Variants in CHST9 observed in about 807,000 individuals in gnomAD.
The protein encoded by CHST9 is carbohydrate sulfotransferase 9, also known as GalNAc-4-sulfotransferase 2.
In CHST9, 41 loss-of-function variants were observed where a neutral mutation model predicts 44.4. The ratio of observed to expected loss-of-function variants is 0.92; its 90% confidence interval spans 0.72 to 1.20. The LOEUF (loss-of-function observed/expected upper bound fraction) is 1.20, where lower values mean the gene tolerates loss of function less well. Among genes scored for constraint, CHST9 ranks in the 50% most tolerant of loss-of-function variants. CHST9 has a pLI of 0.00. For synonymous variants in CHST9, 171 were observed against 178.4 expected (o/e 0.96, Z 0.33); for missense variants, 504 against 516.5 (o/e 0.98, Z 0.23).
intron 1 of CHST9, among the ~76,000 whole-genome samples, chr18:27,178,005 C>T (rs1288717702): frequency 6.6e-6 from 1 of 152,106 alleles, no homozygotes; most frequent in East Asian, 1.9e-4. Flanking sequence ...CTCTGAATCC[C>T]CATTGCACCA....
At chr18:27,060,494 G>T (rs2057709014) in intron 2 of CHST9, among the ~76,000 whole-genome samples, 1 of 152,210 alleles carries the variant, frequency 6.6e-6, no homozygotes, top group Non-Finnish European at 1.5e-5. Flanking sequence ...GTGGGTGCGG[G>T]TGAGCTCCAG....
At position 27,024,123 on chromosome 18, in the gene CHST9, G is replaced by C. The variant is rs1568137602; in HGVS notation, c.195C>G (p.Pro65=). 2 of 1,612,140 alleles carry C rather than the reference G, an allele frequency of 1.2e-6. No homozygotes were observed. The highest frequency in any genetic ancestry group is 1.7e-6 in the Non-Finnish European group (2 of 1,179,180). Residue 65 remains proline (P), a synonymous_variant, in exon 4 of 6, where the codon CCC becomes CCG. Coordinates refer to ENST00000618847, the MANE Select transcript of CHST9 (RefSeq NM_031422.6). ...WGPVKYLRPV[P]RIMSTEKIQE... Reference sequence around the variant, plus strand: ...TATGAGGAAGTTACTCACTGATTCTGGGTACAGGCCGCAAGTACTTCACTG... The same window carrying C: ...TATGAGGAAGTTACTCACTGATTCTCGGTACAGGCCGCAAGTACTTCACTG...
At chr18:26,995,936 A>G (rs1289527891) in intron 4 of CHST9, among the ~76,000 whole-genome samples, 1 of 152,226 alleles carries the variant, frequency 6.6e-6, no homozygotes, top group African/African-American at 2.4e-5. Context: ...CTTAAGAGAG[A>G]GCTAAAAGTT....
intron 4 of CHST9, among the ~76,000 whole-genome samples, chr18:27,004,038 T>A (rs2056983802): frequency 6.7e-6 from 1 of 149,724 alleles, no homozygotes; most frequent in Non-Finnish European, 1.5e-5. Context: ...AATATGAGTG[T>A]CTGGAAAAAA....
At chr18:26,996,074 G>C (rs1169082468) in intron 4 of CHST9, among the ~76,000 whole-genome samples, 2 of 152,134 alleles carry the variant, frequency 1.3e-5, no homozygotes, top group African/African-American at 2.4e-5. Flanking sequence ...AATGGGTCTG[G>C]TCCAATATCT....
chr18:26,916,777 T>C lies in CHST9; in HGVS notation c.814A>G (p.Thr272Ala). ...CGAACAAACACAGCTTTGGTGTAAGTATTTAAGCGGGTATATATCCCTTTT... is the reference window on the plus strand; with the variant it reads ...CGAACAAACACAGCTTTGGTGTAAGCATTTAAGCGGGTATATATCCCTTTT... ...DLKGIYTRLN[T>A]YTKAVFVRDP... is the part of the protein sequence containing the mutation. The change falls in exon 6 of 6, where the codon ACT becomes GCT. Residue 272 changes from threonine to alanine, a missense_variant. Physicochemically the swap from Thr to Ala is moderately conservative, Grantham distance 58. Coordinates refer to ENST00000618847, the MANE Select transcript of CHST9 (RefSeq NM_031422.6). 1 of 1,613,824 alleles carries C rather than the reference T, an allele frequency of 6.2e-7. No individual in the cohort carries two copies. The highest frequency in any genetic ancestry group is 1.1e-5 in the South Asian group (1 of 91,066).
chr18:27,053,287 A>G (rs1289106277), intron 2 of CHST9, among the ~76,000 whole-genome samples: 48 of 136,804 alleles, frequency 3.5e-4, no homozygotes, highest in African/African-American at 1.1e-3. Context: ...AAGGAGAAGG[A>G]GAAGGAGAAG....
intron 5 of CHST9, among the ~76,000 whole-genome samples, chr18:26,933,456 A>G (rs1219956337): frequency 1.3e-5 from 2 of 152,182 alleles, no homozygotes; most frequent in Non-Finnish European, 2.9e-5. Context: ...TTTGCCGAGT[A>G]TCACCTTTCT....
rs2055480558 is a variant in CHST9 at position 26,914,242 on chromosome 18, T to C, written c.*2017A>G. On this transcript the variant is annotated 3_prime_UTR_variant, in exon 6 of 6. Coordinates refer to ENST00000618847, the MANE Select transcript of CHST9 (RefSeq NM_031422.6). The stretch of plus-strand genomic sequence containing the variant: ...AAGAGAGGTAGGACTGTTGTTTCCA[T>C]TTTTTTCCTTCTAAAGCTATTGAAA... 6.6e-6 allele frequency: 1 copy of C among 152,150 alleles called. No homozygotes were observed. The highest frequency in any genetic ancestry group is 6.5e-5 in the Admixed American group (1 of 15,268). The allele number at this position is 152,150 out of a possible 1,614,324, so 9.4% of individuals were successfully genotyped here.
Position 26,963,104 on chromosome 18 carries a change from C to A in CHST9, c.203-18738G>T, listed in dbSNP as rs181972700. On this transcript the variant is annotated intron_variant, in intron 4 of 5. Transcript: ENST00000618847. ...TACTGAGGGCATATTATGTACCGGGCACTGTATTGGGCATAGAGTGAATGA... is the reference window on the plus strand; with the variant it reads ...TACTGAGGGCATATTATGTACCGGGAACTGTATTGGGCATAGAGTGAATGA... Among the ~76,000 whole-genome samples, 9 of 152,272 alleles carry A rather than the reference C, an allele frequency of 5.9e-5. No individual in the cohort carries two copies. The East Asian group carries it at 1.7e-3, about 29-fold the overall frequency.
intron 1 of CHST9, among the ~76,000 whole-genome samples, chr18:27,179,590 A>G (rs912895877): frequency 6.6e-6 from 1 of 152,036 alleles, no homozygotes; most frequent in Non-Finnish European, 1.5e-5. Flanking sequence ...TTTAGTGTAT[A>G]TGGGGGAGGC....
In CHST9 at chr18:27,173,584, T is replaced by A. The variant is rs149299404; in HGVS notation, c.-97+11552A>T. On this transcript the variant is annotated intron_variant, in intron 1 of 5. Coordinates refer to ENST00000618847, the MANE Select transcript of CHST9 (RefSeq NM_031422.6). Reference sequence around the variant, plus strand: ...CTAATACATACTGATATTATCATATTATGTATTGTCTCCTACATTGCCTGA... The same window carrying A: ...CTAATACATACTGATATTATCATATAATGTATTGTCTCCTACATTGCCTGA... Among the ~76,000 whole-genome samples, 19 of 152,158 alleles carry A rather than the reference T, an allele frequency of 1.2e-4. No individual in the cohort carries two copies. In the South Asian group the frequency reaches 1.7e-3, roughly 13 times the overall value.
chr18:27,078,494 TC>T (rs2057929002), intron 2 of CHST9, among the ~76,000 whole-genome samples: 1 of 152,166 alleles, frequency 6.6e-6, no homozygotes, highest in African/African-American at 2.4e-5. Context: ...TATATCTCTC[TC>T]ACATATATTA....
At chr18:27,016,298 T>C (rs2057153694) in intron 4 of CHST9, among the ~76,000 whole-genome samples, 1 of 152,164 alleles carries the variant, frequency 6.6e-6, no homozygotes, top group African/African-American at 2.4e-5. Context: ...CCCGTTTCTC[T>C]CCTCTCCTGT....
intron 2 of CHST9, among the ~76,000 whole-genome samples, chr18:27,084,234 T>G (rs536094775): frequency 6.6e-6 from 1 of 152,028 alleles, no homozygotes; most frequent in Non-Finnish European, 1.5e-5. Flanking sequence ...CAGCTCTTCT[T>G]TATATATCTG....
chr18:26,935,768 T>C (rs1028085191), intron 5 of CHST9: 1 of 152,176 alleles, frequency 6.6e-6, no homozygotes, highest in Non-Finnish European at 1.5e-5. Flanking sequence ...TGTATAAGAA[T>C]TTTTTCAACA....
chr18:26,924,980 T>G (rs1351602553), intron 5 of CHST9: 3 of 152,142 alleles, frequency 2.0e-5, no homozygotes, highest in African/African-American at 7.2e-5. Flanking sequence ...TACTGGGCTG[T>G]GCGTTGGTGG....
At chr18:27,080,619 G>A (rs2143679125) in intron 2 of CHST9, among the ~76,000 whole-genome samples, 1 of 152,286 alleles carries the variant, frequency 6.6e-6, no homozygotes, top group Non-Finnish European at 1.5e-5. Flanking sequence ...GTGTAAAGAA[G>A]GCATAGGTGG....
intron 2 of CHST9, among the ~76,000 whole-genome samples, chr18:27,105,839 A>G (rs1489007220): frequency 1.3e-5 from 2 of 152,132 alleles, no homozygotes; most frequent in Non-Finnish European, 2.9e-5. Flanking sequence ...ATTTAAGGTG[A>G]TAGTCTAAAT....
Sources: gnomAD v4.1 joint callset for allele counts (sites outside exome capture counted in the v4.1 genomes callset) on GRCh38, gnomAD v4.1.1 for gene constraint, MANE v1.5 for transcripts, NCBI Gene and HGNC (gene_info 2026-07-23, HGNC 2026-07-21) for gene names.